The following TNS3 variants were observed in gnomAD, a reference collection of about 807,000 sequenced individuals.
TNS3 encodes the protein tensin-3.
Under a neutral mutation model 140.9 loss-of-function variants are expected in TNS3, and 45 were observed. The observed-to-expected ratio is 0.32, with a 90% confidence interval of 0.25 to 0.41. TNS3 has a LOEUF of 0.41. Ranked by LOEUF, TNS3 falls within the 10% of genes least tolerant of loss-of-function variation. TNS3 has a pLI of 1.00. For synonymous variants in TNS3, 815 were observed against 788.4 expected (o/e 1.03, Z -0.56); for missense variants, 1,716 against 1,906.7 (o/e 0.90, Z 1.86).
intron 8 of TNS3, among the ~76,000 whole-genome samples, chr7:47,432,748 C>T (rs1231438286): frequency 6.6e-6 from 1 of 152,174 alleles, no homozygotes; most frequent in African/African-American, 2.4e-5. Flanking sequence ...TGGCCATGTT[C>T]CACTCAAACT....
intron 1 of TNS3, among the ~76,000 whole-genome samples, chr7:47,537,276 C>T: frequency 6.6e-6 from 1 of 152,152 alleles, no homozygotes; most frequent in East Asian, 1.9e-4. Context: ...GCCGCCGGCC[C>T]AGGTCCCAGC....
intron 20 of TNS3, among the ~76,000 whole-genome samples, chr7:47,335,602 C>T (rs7809597): frequency 0.37 from 56,409 of 151,982 alleles, 10,584 homozygotes; most frequent in South Asian, 0.47. Context: ...GGGCCTTCTC[C>T]GTCCCCCGAC....
At chr7:47,521,990 G>C (rs1049677299) in intron 2 of TNS3, among the ~76,000 whole-genome samples, 1 of 152,138 alleles carries the variant, frequency 6.6e-6, no homozygotes, top group Non-Finnish European at 1.5e-5. Context: ...AGGTCTGCAC[G>C]GCGATGGAGA....
intron 17 of TNS3, among the ~76,000 whole-genome samples, chr7:47,347,796 T>G (rs1405877637): frequency 1.3e-5 from 2 of 152,180 alleles, no homozygotes; most frequent in African/African-American, 4.8e-5. Flanking sequence ...GACCTGGGAT[T>G]TGGGGTCTCA....
intron 10 of TNS3, among the ~76,000 whole-genome samples, chr7:47,419,088 T>G (rs889932588): frequency 1.4e-5 from 2 of 147,410 alleles, no homozygotes; most frequent in Admixed American, 1.3e-4. Flanking sequence ...TTCCCTCTCA[T>G]GTAATGGGAA....
chr7:47,292,925 CA>C lies in TNS3; in HGVS notation c.3773-21del. The C allele has an allele frequency of 6.2e-7, 1 of 1,612,170 alleles. No individual in the cohort carries two copies. On this transcript the variant is annotated intron_variant, in intron 25 of 30. Transcript: ENST00000311160. Reference sequence around the variant, plus strand: ...GGCTCCCTGCAAAGTGGACAGACAGCAAACAAGAGTCAACAACTGCTGTAGA... The same window carrying C: ...GGCTCCCTGCAAAGTGGACAGACAGCAACAAGAGTCAACAACTGCTGTAGA...
chr7:47,368,289 A>G, intron 17 of TNS3, 76 bp downstream of exon 17: 1 of 1,358,966 alleles, frequency 7.4e-7, no homozygotes, highest in Admixed American at 2.7e-5. Flanking sequence ...CTAACCTACT[A>G]GGCTGATTTC....
chr7:47,358,667 A>G (rs2471003), intron 17 of TNS3, among the ~76,000 whole-genome samples: 95,488 of 152,020 alleles, frequency 0.63, 30,962 homozygotes, highest in Non-Finnish European at 0.71. Flanking sequence ...GAGAGGGCTC[A>G]CCCCTCATCC....
rs747966107 is a variant in TNS3, at chr7:47,303,191, C to G, written c.3216G>C (p.Thr1072=). Residue 1072 remains threonine, a synonymous_variant, in exon 22 of 31, where the codon ACG becomes ACC. Transcript: ENST00000311160. ...DNGFLSHNFL[T]VAPGHSSHHS... ...GGTGGCTGCTGTGTCCAGGCGCCAC[C>G]GTGAGAAAGTTGTGGGACAGGAAGC... The G allele has an allele frequency of 6.2e-7, 1 of 1,613,520 alleles. No homozygotes were observed. The highest frequency in any genetic ancestry group is 1.1e-5 in the South Asian group (1 of 91,078).
At chr7:47,405,860 A>C (rs747306400) in intron 13 of TNS3, among the ~76,000 whole-genome samples, 8 of 152,162 alleles carry the variant, frequency 5.3e-5, no homozygotes, top group Non-Finnish European at 1.2e-4. Flanking sequence ...TTTGTTTACA[A>C]GTCGGGTCAC....
At chr7:47,392,395 A>G (rs2470995) in intron 16 of TNS3, among the ~76,000 whole-genome samples, 145,568 of 152,308 alleles carry the variant, frequency 0.96, 69,681 homozygotes, top group East Asian at 1. Flanking sequence ...AGGCAGCTGC[A>G]GAGGGCTCCA....
chr7:47,580,605 C>T (rs7803492), intron 1 of TNS3, among the ~76,000 whole-genome samples: 76,509 of 145,614 alleles, frequency 0.53, 20,839 homozygotes, highest in East Asian at 0.65. Flanking sequence ...TGCAGCGACT[C>T]CCCACCCCCT....
chr7:47,318,468 C>T (rs893755945), intron 20 of TNS3, among the ~76,000 whole-genome samples: 19 of 152,134 alleles, frequency 1.2e-4, no homozygotes, highest in Admixed American at 1.1e-3. Context: ...ATGTCCTTGC[C>T]TCAAAGCTGC....
At chr7:47,545,539 A>G (rs1337730899) in intron 1 of TNS3, among the ~76,000 whole-genome samples, 9 of 152,210 alleles carry the variant, frequency 5.9e-5, no homozygotes, top group Admixed American at 5.9e-4. Context: ...ATCCTTAAAC[A>G]GGGTGCTGAC....
At chr7:47,420,654 G>A (rs578165881) in intron 10 of TNS3, among the ~76,000 whole-genome samples, 32 of 152,322 alleles carry the variant, frequency 2.1e-4, no homozygotes, top group African/African-American at 7.7e-4. Context: ...CTAGGACCAA[G>A]GTTAAACACC....
At chr7:47,519,131 C>T (rs1171491368) in intron 2 of TNS3, among the ~76,000 whole-genome samples, 2 of 152,116 alleles carry the variant, frequency 1.3e-5, no homozygotes, top group Non-Finnish European at 2.9e-5. Context: ...CCACTGAGGC[C>T]CCGCCTGCTG....
chr7:47,435,843 C>A (rs60858142), intron 7 of TNS3, among the ~76,000 whole-genome samples: 16,106 of 152,184 alleles, frequency 0.11, 1,128 homozygotes, highest in African/African-American at 0.19. Context: ...GAGACAATCT[C>A]CTGGAAAGGC....
At chr7:47,357,380 A>G (rs1790052343) in intron 17 of TNS3, among the ~76,000 whole-genome samples, 1 of 152,162 alleles carries the variant, frequency 6.6e-6, no homozygotes, top group African/African-American at 2.4e-5. Context: ...ACTTCAGCTC[A>G]TTCACACACA....
At chr7:47,550,470 A>G (rs1018989654) in intron 1 of TNS3, among the ~76,000 whole-genome samples, 8 of 152,162 alleles carry the variant, frequency 5.3e-5, no homozygotes, top group Non-Finnish European at 1.2e-4. Context: ...TCCCAACCTC[A>G]TGTAAGCAAG....
Sources: allele counts gnomAD v4.1 joint callset (sites outside exome capture counted in the v4.1 genomes callset), GRCh38; gene constraint gnomAD v4.1.1; transcripts MANE v1.5; gene names NCBI Gene and HGNC (gene_info 2026-07-23, HGNC 2026-07-21).